Variants in RAD51B observed in about 807,000 individuals in gnomAD.
The protein encoded by RAD51B is RAD51 paralog B.
Under a neutral mutation model 42.2 loss-of-function variants are expected in RAD51B, and 38 were observed. The observed-to-expected ratio is 0.90, with a 90% confidence interval of 0.70 to 1.18. The LOEUF (loss-of-function observed/expected upper bound fraction) is 1.18, where lower values mean the gene tolerates loss of function less well. Ranked by LOEUF, RAD51B falls within the 50% of genes most tolerant of loss-of-function variation. The pLI is 0.00. For synonymous variants in RAD51B, 154 were observed against 145.2 expected, an observed-to-expected ratio of 1.06 and a Z score of -0.43; for missense variants, 373 against 400.7, an observed-to-expected ratio of 0.93 and a Z score of 0.59.
At chr14:68,659,726 A>G (rs1892895768) in intron 11 of RAD51B, among the ~76,000 whole-genome samples, 1 of 152,212 alleles carries the variant, frequency 6.6e-6, no homozygotes, top group South Asian at 2.1e-4. Context: ...GAAGCGACAC[A>G]TGGACGGCAG....
rs118106489 is a variant in RAD51B at position 68,282,416 on chromosome 14, G to A, written c.757-9468G>A. ...CCCCTACTTACCATGTAAATATTTA[G>A]CCATTTCAATATATTTGTTCTGGAC... On this transcript the variant is annotated intron_variant, in intron 7 of 10. Coordinates refer to ENST00000471583, the MANE Select transcript of RAD51B (RefSeq NM_133510.4). Among the ~76,000 whole-genome samples the A allele has an allele frequency of 2.8e-3, 425 of 152,210 alleles. 12 individuals carry two copies. In the East Asian group the frequency reaches 0.048, roughly 17 times the overall value.
intron 7 of RAD51B, among the ~76,000 whole-genome samples, chr14:67,957,224 G>C (rs1364583160): frequency 1.3e-5 from 2 of 152,186 alleles, no homozygotes; most frequent in African/African-American, 2.4e-5. Flanking sequence ...GTGTTGGCAT[G>C]GTTAAGTTGG....
Position 67,864,995 on chromosome 14 carries a change from T to TTTTTTTTTTA in RAD51B, c.316-3_316-2insTTTTATTTTT. 7.4e-7 allele frequency: 1 copy of TTTTTTTTTTA among 1,346,966 alleles called. No homozygotes were observed. The highest frequency in any genetic ancestry group is 9.5e-7 in the Non-Finnish European group (1 of 1,057,982). 83.4% of individuals were successfully genotyped at this position (1,346,966 alleles called of 1,614,324 possible). A position where few individuals can be genotyped will look rare whatever the true frequency, so the allele number is the denominator to read the frequency against. ...TTTTTTTTTTTTTTTTTTTTTTTTT[T>TTTTTTTTTTA]TTTTTAGATTACAGGTCCACCAGGT... On this transcript the variant is annotated splice_region_variant and splice_polypyrimidine_tract_variant and intron_variant, in intron 4 of 10. Transcript: ENST00000471583.
At chr14:68,561,968 A>G (rs924617154) in intron 10 of RAD51B, 2 of 985,286 alleles carry the variant, frequency 2.0e-6, no homozygotes, top group Non-Finnish European at 2.4e-6. Flanking sequence ...TGTGGCAGCA[A>G]TGTACACGAG....
chr14:68,238,705 A>G (rs1486717022), intron 7 of RAD51B, among the ~76,000 whole-genome samples: 1 of 152,250 alleles, frequency 6.6e-6, no homozygotes, highest in Non-Finnish European at 1.5e-5. Context: ...AAACCAGACC[A>G]TATAATGTAA....
intron 7 of RAD51B, among the ~76,000 whole-genome samples, chr14:67,942,472 C>G (rs1035594172): frequency 6.6e-6 from 1 of 152,124 alleles, no homozygotes; most frequent in African/African-American, 2.4e-5. Flanking sequence ...CAAGATCATG[C>G]TTGTTTAGTG....
chr14:68,101,200 T>TG (rs1488459343), intron 7 of RAD51B, among the ~76,000 whole-genome samples: 2 of 152,168 alleles, frequency 1.3e-5, no homozygotes, highest in African/African-American at 4.8e-5. Flanking sequence ...TAAGGGGAAC[T>TG]GTAATTCAAG....
At chr14:68,163,782 G>T (rs1175352554) in intron 7 of RAD51B, among the ~76,000 whole-genome samples, 4 of 152,114 alleles carry the variant, frequency 2.6e-5, no homozygotes, top group African/African-American at 9.7e-5. Context: ...ATTGTTAATA[G>T]AATTCAATTT....
chr14:68,547,735 C>T (rs2525530), intron 10 of RAD51B, among the ~76,000 whole-genome samples: 64,559 of 152,002 alleles, frequency 0.42, 13,916 homozygotes, highest in Middle Eastern at 0.57. Context: ...TTTTTCCTTC[C>T]GGGGAGAGAA....
intron 7 of RAD51B, among the ~76,000 whole-genome samples, chr14:68,131,051 A>C (rs2077880776): frequency 1.3e-5 from 2 of 152,192 alleles, no homozygotes; most frequent in Admixed American, 1.3e-4. Context: ...AGAATTATTA[A>C]ATTCCTTTAG....
chr14:67,993,982 C>T (rs1320179126), intron 7 of RAD51B, among the ~76,000 whole-genome samples: 1 of 152,116 alleles, frequency 6.6e-6, no homozygotes, highest in Non-Finnish European at 1.5e-5. Flanking sequence ...TATATAATAA[C>T]AGCTGTATTA....
At chr14:68,185,870 C>T (rs1419472224) in intron 7 of RAD51B, among the ~76,000 whole-genome samples, 1 of 152,172 alleles carries the variant, frequency 6.6e-6, no homozygotes, top group Non-Finnish European at 1.5e-5. Flanking sequence ...TCCTAACAGG[C>T]CACAGACCAG....
chr14:68,017,951 CAG>C (rs1204435731), intron 7 of RAD51B, among the ~76,000 whole-genome samples: 1 of 151,280 alleles, frequency 6.6e-6, no homozygotes. Flanking sequence ...AGCCTAGTGA[CAG>C]AGCAAGACTC....
At chr14:68,478,139 G>A (rs1176441622), downstream of RAD51B, 12 of 1,020,488 alleles carry the variant, frequency 1.2e-5, no homozygotes, top group Admixed American at 1.8e-4. Flanking sequence ...AATAGTAACC[G>A]ATTCAGAAAT....
At chr14:68,393,479 C>G (rs1437793621) in intron 8 of RAD51B, among the ~76,000 whole-genome samples, 1 of 152,148 alleles carries the variant, frequency 6.6e-6, no homozygotes, top group Non-Finnish European at 1.5e-5. Flanking sequence ...GGGGTAATTT[C>G]GCTTAGGAGC....
chr14:68,681,935 A>G (rs1171001606), intron 11 of RAD51B, among the ~76,000 whole-genome samples: 6 of 152,172 alleles, frequency 3.9e-5, no homozygotes, highest in Admixed American at 1.3e-4. Context: ...GAGGGATAAA[A>G]GATTACACCT....
intron 9 of RAD51B, among the ~76,000 whole-genome samples, chr14:68,442,165 T>C (rs1158778581): frequency 1.3e-5 from 2 of 152,214 alleles, no homozygotes; most frequent in Non-Finnish European, 2.9e-5. Flanking sequence ...TATTCTATGA[T>C]GTGAATTACT....
chr14:68,070,546 A>C (rs576259258), intron 7 of RAD51B, among the ~76,000 whole-genome samples: 1 of 152,202 alleles, frequency 6.6e-6, no homozygotes, highest in East Asian at 1.9e-4. Context: ...TCCTTTCCCC[A>C]TTGCTTGTTT....
intron 8 of RAD51B, among the ~76,000 whole-genome samples, chr14:68,395,171 C>T (rs558848282): frequency 3.3e-5 from 5 of 152,296 alleles, no homozygotes; most frequent in Admixed American, 1.3e-4. Context: ...CCTCCTCTCC[C>T]GCCTCCCCTT....
Sources: gnomAD v4.1 joint callset for allele counts (sites outside exome capture counted in the v4.1 genomes callset) on GRCh38, gnomAD v4.1.1 for gene constraint, MANE v1.5 for transcripts, NCBI Gene and HGNC (gene_info 2026-07-23, HGNC 2026-07-21) for gene names.